The following ASXL2 variants were observed in gnomAD, a reference collection of about 807,000 sequenced individuals.
The protein encoded by ASXL2 is ASXL transcriptional regulator 2.
A neutral mutation model predicts 122.0 loss-of-function variants in ASXL2; 23 were observed. That is an observed-to-expected ratio of 0.19 (90% CI 0.14 to 0.27). The LOEUF (loss-of-function observed/expected upper bound fraction) is 0.27. Ranked by LOEUF, ASXL2 falls within the 10% of genes least tolerant of loss-of-function variation. ASXL2 has a pLI of 1.00. For synonymous variants in ASXL2, 650 were observed against 637.0 expected, an observed-to-expected ratio of 1.02 and a Z score of -0.31; for missense variants, 1,518 against 1,713.8, an observed-to-expected ratio of 0.89 and a Z score of 2.02.
intron 1 of ASXL2, among the ~76,000 whole-genome samples, chr2:25,869,133 C>A (rs1254181402): frequency 6.6e-6 from 1 of 151,536 alleles, no homozygotes; most frequent in African/African-American, 2.4e-5. Flanking sequence ...CCATTGCACT[C>A]CAGCCTGGGG....
At chr2:25,786,802 C>CCT (rs2088755971) in intron 5 of ASXL2, among the ~76,000 whole-genome samples, 4 of 151,846 alleles carry the variant, frequency 2.6e-5, no homozygotes, top group African/African-American at 9.7e-5. Context: ...TTGCAGTGAG[C>CCT]CGAGATCACA....
chr2:25,853,599 C>T (rs2089743747), intron 1 of ASXL2, among the ~76,000 whole-genome samples: 1 of 152,128 alleles, frequency 6.6e-6, no homozygotes, highest in South Asian at 2.1e-4. Flanking sequence ...ATAGCAGCAC[C>T]GTATACATCC....
chr2:25,753,741 C>A, intron 10 of ASXL2, 102 bp from the exon 11 acceptor site: 1 of 864,594 alleles, frequency 1.2e-6, no homozygotes, highest in South Asian at 1.6e-5. Context: ...GGAATACTAC[C>A]ATGTGAAAGT....
At chr2:25,806,019 C>T (rs905580142) in intron 4 of ASXL2, among the ~76,000 whole-genome samples, 1 of 152,114 alleles carries the variant, frequency 6.6e-6, no homozygotes, top group Admixed American at 6.5e-5. Flanking sequence ...AGATTATCAT[C>T]AAGAATAAAA....
chr2:25,832,492 A>G (rs1054511388), intron 3 of ASXL2, among the ~76,000 whole-genome samples: 4 of 152,214 alleles, frequency 2.6e-5, no homozygotes, highest in Non-Finnish European at 1.5e-5. Flanking sequence ...ACAAAAAGGC[A>G]AACTCACCTA....
At chr2:25,822,175 A>G (rs2089319938) in intron 3 of ASXL2, among the ~76,000 whole-genome samples, 1 of 71,702 alleles carries the variant, frequency 1.4e-5, no homozygotes, top group Non-Finnish European at 3.2e-5. Context: ...ATAAAAGGTA[A>G]AAGTAACTCT....
rs2087896961 is a variant in ASXL2, at chr2:25,744,035, C to T, written c.2302G>A (p.Val768Ile). ...GTTTGCTGTAGTTGTGCTCCAGAGACACTATGAGGCTGTGCCTGGCTTGGG... is the reference window on the plus strand; with the variant it reads ...GTTTGCTGTAGTTGTGCTCCAGAGATACTATGAGGCTGTGCCTGGCTTGGG... ...TTPSQAQPHS[V>I]SGAQLQQTPP... The change falls in exon 13 of 13, where the codon GTC (valine) becomes ATC (isoleucine). Residue 768 changes from valine (V) to isoleucine (I), a missense_variant. Coordinates refer to ENST00000435504, the MANE Select transcript of ASXL2 (RefSeq NM_018263.6). The surrounding 1 kb of genome is among the most constrained non-coding windows in gnomAD (Gnocchi z 4.7). 7 of 1,614,018 alleles carry T rather than the reference C, an allele frequency of 4.3e-6. No homozygotes were observed. The Middle Eastern group carries it at 4.9e-4, about 114-fold the overall frequency.
intron 1 of ASXL2, chr2:25,856,966 C>G: frequency 2.2e-6 from 1 of 445,156 alleles, no homozygotes; most frequent in Non-Finnish European, 4.1e-6. Flanking sequence ...GCTACAAGTT[C>G]TAGAATAATG....
intron 1 of ASXL2, among the ~76,000 whole-genome samples, chr2:25,866,122 ATTTTC>A (rs953231533): frequency 4.6e-5 from 7 of 150,966 alleles, no homozygotes; most frequent in South Asian, 4.2e-4. Context: ...TAAGACTTCA[ATTTTC>A]TTTTTTCTTT....
At position 25,744,072 on chromosome 2, in the gene ASXL2, C is replaced by T; in HGVS notation, c.2265G>A (p.Glu755=). Residue 755 remains glutamate (E), a synonymous_variant, in exon 13 of 13, where the codon GAG becomes GAA. Transcript: ENST00000435504. The surrounding 1 kb of genome is among the most constrained non-coding windows in gnomAD (Gnocchi z 4.7). ...GTGCCTGGCTTGGGGTGGTCTTGGT[C>T]TCAGACTGGGGCTGAGTCTCTGGAC... ...PCGPETQPQS[E]TKTTPSQAQP... is the part of the protein sequence containing the mutation. 6.2e-7 allele frequency: 1 copy of T among 1,613,960 alleles called. No individual in the cohort carries two copies. The highest frequency in any genetic ancestry group is 8.5e-7 in the Non-Finnish European group (1 of 1,179,882).
intron 8 of ASXL2, among the ~76,000 whole-genome samples, chr2:25,760,423 CTA>C (rs1405055973): frequency 6.6e-6 from 1 of 151,976 alleles, no homozygotes; most frequent in Non-Finnish European, 1.5e-5. Flanking sequence ...ACATATTTGT[CTA>C]TGAAAATGGC....
At chr2:25,812,164 A>AG (rs1491466995) in intron 3 of ASXL2, among the ~76,000 whole-genome samples, 2 of 70,398 alleles carry the variant, frequency 2.8e-5, no homozygotes. Flanking sequence ...TAATTATTTC[A>AG]AAAAAAAAAA....
At chr2:25,811,083 C>T (rs1193264092) in intron 3 of ASXL2, among the ~76,000 whole-genome samples, 1 of 150,476 alleles carries the variant, frequency 6.6e-6, no homozygotes, top group Non-Finnish European at 1.5e-5. Flanking sequence ...CACACACACA[C>T]ACACACACAC....
rs1187096673 is a variant in ASXL2 at position 25,855,848 on chromosome 2, A to G, written c.58-10285T>C. On this transcript the variant is annotated intron_variant, in intron 1 of 12. Transcript: ENST00000435504. The stretch of plus-strand genomic sequence containing the variant: ...GAGACTCCGTCTCAAAAAAAAAAAA[A>G]AGAGAGAGAGACAGAAACACAATCT... Among the ~76,000 whole-genome samples, 6 of 150,662 alleles carry G rather than the reference A, an allele frequency of 4.0e-5. 1 individual carries two copies. Among genetic ancestry groups the G allele is most frequent in the South Asian group, 2.1e-4 (1 of 4,766 alleles).
chr2:25,816,049 A>G (rs1269774417), intron 3 of ASXL2, among the ~76,000 whole-genome samples: 2 of 152,162 alleles, frequency 1.3e-5, no homozygotes, highest in African/African-American at 4.8e-5. Context: ...ATCTGTACAG[A>G]CTAACCCCAA....
In ASXL2 at chr2:25,740,892, G is replaced by C; in HGVS notation, c.*1137C>G. On this transcript the variant is annotated 3_prime_UTR_variant, in exon 13 of 13. Transcript: ENST00000435504. ...ATGATGTCATCCTGTTCAGATGCCT[G>C]GGAGGTCAAAACAGGTTGAACAGAA... The C allele has an allele frequency of 5.2e-6, 1 of 191,690 alleles. No homozygotes were observed. The highest frequency in any genetic ancestry group is 1.1e-5 in the Non-Finnish European group (1 of 91,632). The allele number at this position is 191,690 out of a possible 1,614,324, so 11.9% of individuals were successfully genotyped here.
chr2:25,765,356 G>A (rs2088327038), intron 8 of ASXL2, among the ~76,000 whole-genome samples: 1 of 151,904 alleles, frequency 6.6e-6, no homozygotes, highest in East Asian at 1.9e-4. Context: ...CGTGGTGGCG[G>A]GCACCTGTCG....
rs2087881077 is a variant in ASXL2, at chr2:25,743,585, T to C, written c.2752A>G (p.Ser918Gly). The C allele has an allele frequency of 6.2e-7, 1 of 1,614,010 alleles. No individual in the cohort carries two copies. The highest frequency in any genetic ancestry group is 8.5e-7 in the Non-Finnish European group (1 of 1,179,890). The change falls in exon 13 of 13, where the codon AGC becomes GGC. Residue 918 changes from serine to glycine, a missense_variant. By Grantham distance (56) the Ser-to-Gly change is moderately conservative. Coordinates refer to ENST00000435504, the MANE Select transcript of ASXL2 (RefSeq NM_018263.6). ...TAPAGSAPPS[S>G]TLPAASSLKT... ...AGGCTAGAAGCTGCTGGCAAAGTGCTCGAGGGTGGAGCTGATCCAGCAGGT... is the reference window on the plus strand; with the variant it reads ...AGGCTAGAAGCTGCTGGCAAAGTGCCCGAGGGTGGAGCTGATCCAGCAGGT...
At chr2:25,831,338 C>T (rs901101507) in intron 3 of ASXL2, among the ~76,000 whole-genome samples, 1 of 148,072 alleles carries the variant, frequency 6.8e-6, no homozygotes, top group African/African-American at 2.5e-5. Flanking sequence ...AAAGAATTAA[C>T]AGCTGAAAAC....
Sources: allele counts gnomAD v4.1 joint callset (sites outside exome capture counted in the v4.1 genomes callset), GRCh38; gene constraint gnomAD v4.1.1; non-coding constraint Gnocchi (gnomAD v3.1); transcripts MANE v1.5; gene names NCBI Gene and HGNC (gene_info 2026-07-23, HGNC 2026-07-21).